The following DNAH11 variants were observed in gnomAD, a reference collection of about 807,000 sequenced individuals.
DNAH11 encodes the protein axonemal beta dynein heavy chain 11.
Under a neutral mutation model 526.0 loss-of-function variants are expected in DNAH11, and 442 were observed. That is an observed-to-expected ratio of 0.84 (90% CI 0.78 to 0.91). The LOEUF is 0.91. Among genes scored for constraint, DNAH11 ranks in the 40% least tolerant of loss-of-function variants. The probability of loss-of-function intolerance (pLI) is 0.00; values close to 1 mark genes in which losing one functional copy is unlikely to be tolerated. For synonymous variants in DNAH11, 2,461 were observed against 1,935.9 expected (o/e 1.27, Z -7.12); for missense variants, 6,989 against 5,448.7 (o/e 1.28, Z -8.90).
chr7:21,818,327 T>C lies in DNAH11; in HGVS notation c.10679T>C (p.Ile3560Thr). The change falls in exon 65 of 82, where the codon ATT becomes ACT. Residue 3560 changes from isoleucine to threonine, a missense_variant. Coordinates refer to ENST00000409508, the MANE Select transcript of DNAH11 (RefSeq NM_001277115.2). ...VLDPLLGRNT[I>T]KKGKYIRIGD... ...GATCCACTACTTGGCAGGAACACAA[T>C]TAAAAAAGGAAAGTAAGTATTCTTG... The C allele has an allele frequency of 6.2e-7, 1 of 1,604,420 alleles. No individual in the cohort carries two copies. Among genetic ancestry groups the C allele is most frequent in the Non-Finnish European group, 8.5e-7 (1 of 1,177,134 alleles).
At chr7:21,880,261 G>A (rs1242434402) in intron 74 of DNAH11, among the ~76,000 whole-genome samples, 1 of 152,098 alleles carries the variant, frequency 6.6e-6, no homozygotes, top group Non-Finnish European at 1.5e-5. Context: ...AACAGTCAAG[G>A]GTGTCCATGT....
intron 40 of DNAH11, among the ~76,000 whole-genome samples, chr7:21,709,035 TA>T (rs1784369858): frequency 6.6e-6 from 1 of 152,180 alleles, no homozygotes. Context: ...TCAAAAAATT[TA>T]AAACGGAACT....
chr7:21,753,184 C>T (rs1786485833), intron 54 of DNAH11, among the ~76,000 whole-genome samples: 1 of 152,124 alleles, frequency 6.6e-6, no homozygotes, highest in Non-Finnish European at 1.5e-5. Flanking sequence ...CCTCTTGCCT[C>T]CTGATCACAG....
intron 31 of DNAH11, 21 bp from the exon 32 acceptor site, chr7:21,683,763 A>T: frequency 6.4e-7 from 1 of 1,564,260 alleles, no homozygotes; most frequent in Non-Finnish European, 8.7e-7. Context: ...CCTGCGTATG[A>T]TGATTATGCA....
intron 65 of DNAH11, among the ~76,000 whole-genome samples, chr7:21,835,725 A>G (rs1169947895): frequency 2.6e-5 from 4 of 152,144 alleles, no homozygotes; most frequent in Non-Finnish European, 4.4e-5. Flanking sequence ...CACTTCCACC[A>G]CTTCTATTCA....
intron 36 of DNAH11, among the ~76,000 whole-genome samples, chr7:21,701,800 G>A (rs1198572660): frequency 6.6e-6 from 1 of 152,130 alleles, no homozygotes; most frequent in Non-Finnish European, 1.5e-5. Context: ...TATAAAGTAG[G>A]TGGGTGCTTT....
intron 54 of DNAH11, among the ~76,000 whole-genome samples, chr7:21,752,267 G>A (rs1317015275): frequency 6.6e-6 from 1 of 152,208 alleles, no homozygotes; most frequent in Non-Finnish European, 1.5e-5. Flanking sequence ...ACAGCTTGTG[G>A]TAGTTTTAAA....
At chr7:21,612,504 A>G (rs57211517) in intron 20 of DNAH11, among the ~76,000 whole-genome samples, 27,501 of 147,678 alleles carry the variant, frequency 0.19, 3,199 homozygotes, top group East Asian at 0.55. Flanking sequence ...GCAGTGAGCC[A>G]AGATTGCACC....
intron 30 of DNAH11, among the ~76,000 whole-genome samples, chr7:21,669,781 C>G (rs2128469028): frequency 6.6e-6 from 1 of 152,134 alleles, no homozygotes; most frequent in East Asian, 1.9e-4. Flanking sequence ...GGTCTGCAAT[C>G]CATACCTCTT....
At chr7:21,648,540 C>A (rs985106984) in intron 28 of DNAH11, among the ~76,000 whole-genome samples, 1 of 152,174 alleles carries the variant, frequency 6.6e-6, no homozygotes, top group African/African-American at 2.4e-5. Flanking sequence ...AGCTGAGCAA[C>A]CATCACACAC....
At chr7:21,639,552 A>T (rs6943081) in intron 28 of DNAH11, among the ~76,000 whole-genome samples, 5,502 of 152,154 alleles carry the variant, frequency 0.036, 320 homozygotes, top group African/African-American at 0.12. Context: ...TAACCCTCTA[A>T]TTTTCCCCTA....
chr7:21,588,524 C>A lies in DNAH11; in HGVS notation c.1861C>A (p.His621Asn). 1 of 1,613,696 alleles carries A rather than the reference C, an allele frequency of 6.2e-7. No individual in the cohort carries two copies. The highest frequency in any genetic ancestry group is 1.1e-5 in the South Asian group (1 of 91,046). ...TATCAACTTGCAGATTGAATGTGGT[C>A]ATGTAGTTCTTAACAAGAACATGCC... ...NEHMKQIECGHVVLNKNMPFT... is the reference protein window; with the variant it reads ...NEHMKQIECGNVVLNKNMPFT... Residue 621 changes from histidine (H) to asparagine (N), a missense_variant, in exon 11 of 82, where the codon CAT becomes AAT. By Grantham distance (68) the His-to-Asn change is moderately conservative. Coordinates refer to ENST00000409508, the MANE Select transcript of DNAH11 (RefSeq NM_001277115.2).
At chr7:21,802,839 G>T (rs975886149) in intron 62 of DNAH11, among the ~76,000 whole-genome samples, 1 of 151,910 alleles carries the variant, frequency 6.6e-6, no homozygotes, top group Non-Finnish European at 1.5e-5. Flanking sequence ...CTGGACAAGG[G>T]TGTGGGGTTT....
chr7:21,775,406 C>T (rs1352741698), intron 56 of DNAH11, among the ~76,000 whole-genome samples: 1 of 152,010 alleles, frequency 6.6e-6, no homozygotes, highest in African/African-American at 2.4e-5. Context: ...TGCTTGAGTC[C>T]AGGAGTTTGA....
chr7:21,789,845 T>TTTCTTTCC (rs1788390801), intron 61 of DNAH11, among the ~76,000 whole-genome samples: 2 of 136,446 alleles, frequency 1.5e-5, no homozygotes, highest in Admixed American at 1.5e-4. Context: ...TCTTTCTTTC[T>TTTCTTTCC]TTCTTTCTCT....
At chr7:21,663,126 C>T (rs995290167) in intron 30 of DNAH11, among the ~76,000 whole-genome samples, 3 of 152,080 alleles carry the variant, frequency 2.0e-5, no homozygotes, top group Non-Finnish European at 2.9e-5. Flanking sequence ...ACCTCTAGTT[C>T]CCTGCGTGTT....
Position 21,801,161 on chromosome 7 carries a change from C to G in DNAH11, c.10051C>G (p.Leu3351Val), listed in dbSNP as rs376710623. ...LVDLDRNLSRLTASFEKATAE... is the reference protein window; with the variant it reads ...LVDLDRNLSRVTASFEKATAE... ...GGATCTGGATCGAAATCTGAGCAGA[C>G]TCACGGCTTCATTTGAAAAAGCAAC... Residue 3351 changes from leucine to valine, a missense_variant, in exon 62 of 82, where the codon CTC becomes GTC. Leu to Val is a conservative substitution (Grantham distance 32, BLOSUM62 1). Coordinates refer to ENST00000409508, the MANE Select transcript of DNAH11 (RefSeq NM_001277115.2). 3.1e-6 allele frequency: 5 copies of G among 1,610,836 alleles called. No individual in the cohort carries two copies. In the African/African-American group the frequency reaches 5.3e-5, roughly 17 times the overall value.
intron 55 of DNAH11, among the ~76,000 whole-genome samples, chr7:21,771,431 ACTC>A (rs1787429583): frequency 6.6e-6 from 1 of 151,962 alleles, no homozygotes; most frequent in Non-Finnish European, 1.5e-5. Flanking sequence ...GGCAGAGACT[ACTC>A]CTGCCCGAGA....
chr7:21,620,456 G>C (rs922624597), intron 25 of DNAH11, among the ~76,000 whole-genome samples: 1 of 151,602 alleles, frequency 6.6e-6, no homozygotes. Context: ...TAGATTCCAC[G>C]TGTAGATGGC....
Sources: allele counts gnomAD v4.1 joint callset (sites outside exome capture counted in the v4.1 genomes callset), GRCh38; gene constraint gnomAD v4.1.1; transcripts MANE v1.5; gene names NCBI Gene and HGNC (gene_info 2026-07-23, HGNC 2026-07-21).